Variants in GALK2 observed in about 807,000 individuals in gnomAD.
GALK2 encodes the protein N-acetylgalactosamine kinase.
GALK2 carries 36 observed loss-of-function variants against 52.4 expected under a neutral mutation model. That is an observed-to-expected ratio of 0.69 (90% confidence interval 0.53 to 0.91). The LOEUF is 0.91. GALK2 is among the 40% of genes least tolerant of loss of function. The probability of loss-of-function intolerance (pLI) is 0.00; values close to 1 mark genes in which losing one functional copy is unlikely to be tolerated. For missense variants in GALK2, 579 were observed against 559.1 expected (o/e 1.04, Z -0.36); for synonymous variants, 176 against 199.1 (o/e 0.88, Z 0.98).
intron 1 of GALK2, among the ~76,000 whole-genome samples, chr15:49,172,217 T>G (rs996068682): frequency 2.6e-5 from 4 of 152,238 alleles, no homozygotes; most frequent in Non-Finnish European, 5.9e-5. Context: ...TATAGGTACA[T>G]GTACTAAAAG....
chr15:49,195,239 T>G, intron 1 of GALK2: 1 of 349,382 alleles, frequency 2.9e-6, no homozygotes, highest in South Asian at 2.1e-5. Flanking sequence ...GCTGGGCTAA[T>G]TTTTTGTATT....
At chr15:49,220,915 T>G (rs901987799) in intron 3 of GALK2, among the ~76,000 whole-genome samples, 1 of 152,170 alleles carries the variant, frequency 6.6e-6, no homozygotes, top group Non-Finnish European at 1.5e-5. Flanking sequence ...ATTTGTCCAC[T>G]TTTAAATGGG....
intron 8 of GALK2, among the ~76,000 whole-genome samples, chr15:49,313,019 C>T (rs915465921): frequency 2.0e-5 from 3 of 152,138 alleles, no homozygotes; most frequent in African/African-American, 7.2e-5. Context: ...CAAGCACATA[C>T]CTGCAAGGAC....
intron 5 of GALK2, among the ~76,000 whole-genome samples, chr15:49,242,205 G>A (rs925337650): frequency 2.0e-5 from 3 of 152,096 alleles, no homozygotes; most frequent in African/African-American, 7.2e-5. Flanking sequence ...TGTTACCATA[G>A]GAAACAAATG....
chr15:49,346,723 T>G (rs899864204), intron 3 of GALK2, among the ~76,000 whole-genome samples: 7 of 152,088 alleles, frequency 4.6e-5, no homozygotes, highest in African/African-American at 1.4e-4. Flanking sequence ...AAGTGCCCAT[T>G]ATACACATAA....
In GALK2 at chr15:49,181,501, CTTTTTTTT is replaced by C. The variant is rs370757144; in HGVS notation, c.53+11139_53+11146del. ...AAATGTTTCTTTTTTAAAAAAAAGA[CTTTTTTTT>C]TTTTTTTTTTTTGGAACAGAGTCTC... is the stretch of plus-strand genomic sequence containing the variant. On this transcript the variant is annotated intron_variant, in intron 1 of 9. Transcript: ENST00000560031. 1.5e-4 allele frequency among the ~76,000 whole-genome samples: 17 copies of C among 113,632 alleles called. 1 individual carries two copies. Among genetic ancestry groups the C allele is most frequent in the African/African-American group, 3.3e-4 (10 of 30,632 alleles). The allele number at this position is 113,632 out of a possible 152,430, so 74.5% of individuals were successfully genotyped here. A position where few individuals can be genotyped will look rare whatever the true frequency, so the allele number is the denominator to read the frequency against.
At chr15:49,157,126 T>C (rs925177602) in intron 1 of GALK2, among the ~76,000 whole-genome samples, 22 of 152,198 alleles carry the variant, frequency 1.4e-4, no homozygotes, top group Non-Finnish European at 5.9e-5. Context: ...TAATTTGTTA[T>C]TTTAGACACA....
chr15:49,206,063 C>T (rs1038946468), intron 2 of GALK2, among the ~76,000 whole-genome samples: 4 of 151,808 alleles, frequency 2.6e-5, no homozygotes, highest in African/African-American at 7.3e-5. Context: ...TTTATTTGTG[C>T]GTTCTCTATT....
chr15:49,276,232 A>G (rs1022185879), intron 5 of GALK2, among the ~76,000 whole-genome samples: 1 of 152,224 alleles, frequency 6.6e-6, no homozygotes, highest in African/African-American at 2.4e-5. Flanking sequence ...AGAGCAAAAG[A>G]AAATACATGG....
At chr15:49,231,457 C>T (rs573592663) in intron 3 of GALK2, among the ~76,000 whole-genome samples, 7 of 152,292 alleles carry the variant, frequency 4.6e-5, no homozygotes, top group African/African-American at 1.7e-4. Context: ...ATTATTCTGT[C>T]CCTGGCCCCT....
chr15:49,215,958 A>T (rs1344894774), intron 2 of GALK2, among the ~76,000 whole-genome samples: 2 of 152,202 alleles, frequency 1.3e-5, no homozygotes, highest in African/African-American at 2.4e-5. Flanking sequence ...CGGCACAAGG[A>T]GGTGCTCTAA....
intron 3 of GALK2, among the ~76,000 whole-genome samples, chr15:49,358,654 C>A (rs1231079569): frequency 4.0e-5 from 6 of 149,996 alleles, no homozygotes; most frequent in Non-Finnish European, 8.9e-5. Flanking sequence ...TGAAAATGGC[C>A]ATACAGCCCA....
intron 1 of GALK2, among the ~76,000 whole-genome samples, chr15:49,197,538 G>A (rs1035179960): frequency 2.0e-5 from 3 of 151,842 alleles, no homozygotes; most frequent in African/African-American, 7.3e-5. Flanking sequence ...AAATTTATTT[G>A]TTTCATATAC....
intron 5 of GALK2, among the ~76,000 whole-genome samples, chr15:49,271,669 G>A (rs550383341): frequency 3.3e-5 from 5 of 152,184 alleles, no homozygotes; most frequent in South Asian, 2.1e-4. Context: ...CCTCCCTCAC[G>A]GATTTGAAAC....
intron 5 of GALK2, among the ~76,000 whole-genome samples, chr15:49,251,313 A>C (rs1166845891): frequency 6.6e-6 from 1 of 152,188 alleles, no homozygotes; most frequent in Non-Finnish European, 1.5e-5. Flanking sequence ...TTAACAGTAA[A>C]ACATGTCATC....
At chr15:49,177,112 C>T (rs56271629) in intron 1 of GALK2, among the ~76,000 whole-genome samples, 23 of 151,896 alleles carry the variant, frequency 1.5e-4, no homozygotes, top group African/African-American at 5.5e-4. Flanking sequence ...TGTTTAATGA[C>T]ACTCAAAGTT....
intron 5 of GALK2, among the ~76,000 whole-genome samples, chr15:49,248,860 T>A (rs1196158461): frequency 1.3e-5 from 2 of 152,172 alleles, no homozygotes; most frequent in East Asian, 3.9e-4. Flanking sequence ...CAAGCATAAT[T>A]AGGGAACAGC....
At chr15:49,230,532 G>T (rs2090443316) in intron 3 of GALK2, among the ~76,000 whole-genome samples, 1 of 152,082 alleles carries the variant, frequency 6.6e-6, no homozygotes, top group Non-Finnish European at 1.5e-5. Flanking sequence ...AACTATGATT[G>T]TCAACTTGTT....
chr15:49,329,642 A>G lies in GALK2; in HGVS notation c.*1483A>G. On this transcript the variant is annotated 3_prime_UTR_variant, in exon 10 of 10. Coordinates refer to ENST00000560031, the MANE Select transcript of GALK2 (RefSeq NM_002044.4). ...CTTAGCAGAAAGGTAAATGCTTGAG[A>G]AAGCTTGAGTCAAATTTGTTAAAAG... 1 of 984,540 alleles carries G rather than the reference A, an allele frequency of 1.0e-6. No individual in the cohort carries two copies. The highest frequency in any genetic ancestry group is 1.2e-6 in the Non-Finnish European group (1 of 829,086). The allele number at this position is 984,540 out of a possible 1,614,324, so 61.0% of individuals were successfully genotyped here. A position where few individuals can be genotyped will look rare whatever the true frequency, so the allele number is the denominator to read the frequency against.
Sources: allele counts gnomAD v4.1 joint callset (sites outside exome capture counted in the v4.1 genomes callset), GRCh38; gene constraint gnomAD v4.1.1; transcripts MANE v1.5; gene names NCBI Gene and HGNC (gene_info 2026-07-23, HGNC 2026-07-21).